DNAJC11: variants seen among roughly 807,000 people sequenced by gnomAD.
DNAJC11 encodes DnaJ heat shock protein family (Hsp40) member C11.
A neutral mutation model predicts 78.6 loss-of-function variants in DNAJC11; 15 were observed. The observed-to-expected ratio is 0.19, with a 90% confidence interval of 0.13 to 0.29. DNAJC11 has a LOEUF of 0.29. DNAJC11 is among the 10% of genes least tolerant of loss of function. DNAJC11 has a pLI of 1.00. For synonymous variants in DNAJC11, 292 were observed against 272.1 expected, an observed-to-expected ratio of 1.07 and a Z score of -0.72; for missense variants, 547 against 709.6, an observed-to-expected ratio of 0.77 and a Z score of 2.60.
chr1:6,636,995 T>C (rs1641789229), intron 14 of DNAJC11, among the ~76,000 whole-genome samples: 1 of 152,198 alleles, frequency 6.6e-6, no homozygotes. Context: ...ACAACAGGTG[T>C]GTGTCACCAT....
chr1:6,640,069 TACA>T lies in DNAJC11; in HGVS notation c.1098-15_1098-13del. 7 of 862,726 alleles carry T rather than the reference TACA, an allele frequency of 8.1e-6. No homozygotes were observed. The highest frequency in any genetic ancestry group is 8.8e-5 in the Admixed American group (1 of 11,360). 53.4% of individuals were successfully genotyped at this position (862,726 alleles called of 1,614,324 possible). A position where few individuals can be genotyped will look rare whatever the true frequency, so the allele number is the denominator to read the frequency against. On this transcript the variant is annotated splice_polypyrimidine_tract_variant and intron_variant, in intron 10 of 15. Coordinates refer to ENST00000377577, the MANE Select transcript of DNAJC11 (RefSeq NM_018198.4). Reference sequence around the variant, plus strand: ...TGGCCCTGTTGAGCCTGGGGAAAAATACAAAAAAAAAAAAAAAAAAGCCAAGAT... The same window carrying T: ...TGGCCCTGTTGAGCCTGGGGAAAAATAAAAAAAAAAAAAAAAAGCCAAGAT...
chr1:6,636,622 A>T (rs1352564123), intron 14 of DNAJC11, among the ~76,000 whole-genome samples: 1 of 152,200 alleles, frequency 6.6e-6, no homozygotes, highest in African/African-American at 2.4e-5. Flanking sequence ...ATCAAATGCC[A>T]TGAAGGCAGG....
At chr1:6,684,059 C>T (rs924051293) in intron 1 of DNAJC11, among the ~76,000 whole-genome samples, 4 of 151,732 alleles carry the variant, frequency 2.6e-5, no homozygotes, top group Non-Finnish European at 4.4e-5. Context: ...TTTTTTTTCC[C>T]ACACGGCCAT....
intron 11 of DNAJC11, among the ~76,000 whole-genome samples, chr1:6,638,980 T>G (rs1641830850): frequency 6.6e-6 from 1 of 152,200 alleles, no homozygotes; most frequent in Non-Finnish European, 1.5e-5. Flanking sequence ...CCTAGGGAAT[T>G]AGGATTCTGA....
chr1:6,649,643 G>A (rs539290288), intron 7 of DNAJC11, among the ~76,000 whole-genome samples: 1 of 152,088 alleles, frequency 6.6e-6, no homozygotes, highest in Non-Finnish European at 1.5e-5. Context: ...AGTGGGCAGG[G>A]ATTAGGTCAA....
At position 6,636,195 on chromosome 1, in the gene DNAJC11, T is replaced by G; in HGVS notation, c.1576A>C (p.Lys526Gln). ...ACGCCCCGGAACTGATAGAGCACTT[T>G]CAGGTTCTTCTCTTCCCCCACACAC... ...DPCVGEEKNL[K>Q]VLYQFRGVLH... The change falls in exon 15 of 16, where the codon AAA (lysine) becomes CAA (glutamine). Residue 526 changes from lysine (K) to glutamine (Q), a missense_variant. Lys to Gln is a moderately conservative substitution (Grantham distance 53, BLOSUM62 1). Transcript: ENST00000377577. The G allele has an allele frequency of 6.2e-7, 1 of 1,614,112 alleles. No individual in the cohort carries two copies.
intron 4 of DNAJC11, among the ~76,000 whole-genome samples, chr1:6,657,136 T>G (rs187171342): frequency 1.3e-5 from 2 of 152,130 alleles, no homozygotes; most frequent in African/African-American, 4.8e-5. Context: ...CAAAAGCAAC[T>G]CTCAGACTTG....
At chr1:6,642,514 G>A (rs1641893285) in intron 10 of DNAJC11, among the ~76,000 whole-genome samples, 1 of 152,162 alleles carries the variant, frequency 6.6e-6, no homozygotes, top group African/African-American at 2.4e-5. Flanking sequence ...TTTGGACAGA[G>A]CAAGTAGAAG....
intron 4 of DNAJC11, among the ~76,000 whole-genome samples, chr1:6,655,421 T>C (rs946221762): frequency 6.6e-6 from 1 of 152,178 alleles, no homozygotes; most frequent in African/African-American, 2.4e-5. Context: ...AAAATGAAGT[T>C]GTAGTTGCCA....
intron 1 of DNAJC11, among the ~76,000 whole-genome samples, chr1:6,683,193 G>A (rs1162468538): frequency 6.6e-6 from 1 of 152,140 alleles, no homozygotes; most frequent in African/African-American, 2.4e-5. Flanking sequence ...CCAAACAGGG[G>A]CTGGCTGCCT....
chr1:6,662,942 ACACT>A (rs1256100699), intron 4 of DNAJC11, among the ~76,000 whole-genome samples: 1 of 152,194 alleles, frequency 6.6e-6, no homozygotes, highest in Non-Finnish European at 1.5e-5. Flanking sequence ...CTTTAAGGTA[ACACT>A]CACCGCGAAG....
intron 3 of DNAJC11, among the ~76,000 whole-genome samples, chr1:6,673,170 T>C (rs796159062): frequency 2.0e-5 from 2 of 102,046 alleles, no homozygotes; most frequent in South Asian, 3.6e-4. Flanking sequence ...CACTCCAGCC[T>C]GGGTGAAAGA....
chr1:6,701,599 C>T, intron 1 of DNAJC11, 130 bp downstream of exon 1: 1 of 922,052 alleles, frequency 1.1e-6, no homozygotes. Context: ...GTGCACGTCG[C>T]CGGGGTCACG....
chr1:6,675,348 A>G (rs926812897), intron 3 of DNAJC11, among the ~76,000 whole-genome samples: 1 of 151,630 alleles, frequency 6.6e-6, no homozygotes, highest in Non-Finnish European at 1.5e-5. Flanking sequence ...GTTTACTAAA[A>G]AAATACGAAA....
chr1:6,676,569 A>G (rs966796815), intron 3 of DNAJC11, among the ~76,000 whole-genome samples: 7 of 152,154 alleles, frequency 4.6e-5, no homozygotes, highest in Non-Finnish European at 8.8e-5. Context: ...AGTCGCAGCT[A>G]CTTGGGAGGC....
chr1:6,699,315 T>C (rs1456958826), intron 1 of DNAJC11, among the ~76,000 whole-genome samples: 1 of 152,038 alleles, frequency 6.6e-6, no homozygotes, highest in African/African-American at 2.4e-5. Flanking sequence ...CAAACAAAAT[T>C]TCTTTGGCTC....
At chr1:6,652,693 G>C (rs1642073493) in intron 6 of DNAJC11, 136 bp downstream of exon 6, 1 of 1,201,894 alleles carries the variant, frequency 8.3e-7, no homozygotes, top group South Asian at 1.5e-5. Context: ...TCAACTTATG[G>C]AAGCTTGACA....
In DNAJC11 at chr1:6,635,627, C is replaced by T; in HGVS notation, c.*48G>A. On this transcript the variant is annotated 3_prime_UTR_variant, in exon 16 of 16. Transcript: ENST00000377577. ...TTTTCATTTCCAAATTTGTAGACTCCCAGGAAAAGATTTTTTGCGGCCTTT... is the reference window on the plus strand; with the variant it reads ...TTTTCATTTCCAAATTTGTAGACTCTCAGGAAAAGATTTTTTGCGGCCTTT... 6.2e-7 allele frequency: 1 copy of T among 1,608,152 alleles called. No individual in the cohort carries two copies. Among genetic ancestry groups the T allele is most frequent in the Non-Finnish European group, 8.5e-7 (1 of 1,175,978 alleles).
At chr1:6,637,638 C>G (rs1166899460) in intron 12 of DNAJC11, 134 bp from the exon 13 acceptor site, 3 of 951,478 alleles carry the variant, frequency 3.2e-6, no homozygotes, top group African/African-American at 3.2e-5. Flanking sequence ...GAGTGGGCAC[C>G]CTGACAGCTC....
Sources: allele counts gnomAD v4.1 joint callset (sites outside exome capture counted in the v4.1 genomes callset), GRCh38; gene constraint gnomAD v4.1.1; transcripts MANE v1.5; gene names NCBI Gene and HGNC (gene_info 2026-07-23, HGNC 2026-07-21).